The following USP45 variants were observed in gnomAD, a reference collection of about 807,000 sequenced individuals.
The protein encoded by USP45 is ubiquitin specific peptidase 45.
In USP45, 89 loss-of-function variants were observed where a neutral mutation model predicts 95.8. The ratio of observed to expected loss-of-function variants is 0.93; its 90% CI spans 0.78 to 1.11. The LOEUF (loss-of-function observed/expected upper bound fraction) is 1.11. Ranked by LOEUF, USP45 falls within the 50% of genes least tolerant of loss-of-function variation. USP45 has a pLI of 0.00. For missense variants in USP45, 898 were observed against 942.5 expected (o/e 0.95, Z 0.62); for synonymous variants, 281 against 316.2 (o/e 0.89, Z 1.18).
At position 99,437,408 on chromosome 6, in the gene USP45, C is replaced by T; in HGVS notation, c.2161-9G>A. 1 of 1,568,428 alleles carries T rather than the reference C, an allele frequency of 6.4e-7. No individual in the cohort carries two copies. The highest frequency in any genetic ancestry group is 1.2e-5 in the South Asian group (1 of 83,822). ...TCTCCCACACTTGCATTCTTTTAAA[C>T]AAAGAAAAAAACCCAAATTAGTAAT... On this transcript the variant is annotated splice_polypyrimidine_tract_variant and intron_variant, in intron 16 of 17. Transcript: ENST00000500704.
chr6:99,514,185 A>T (rs959800635), intron 1 of USP45, among the ~76,000 whole-genome samples: 6 of 152,212 alleles, frequency 3.9e-5, no homozygotes, highest in African/African-American at 1.4e-4. Flanking sequence ...ATAAAGGCTC[A>T]TCATAATAGA....
At chr6:99,512,108 A>G (rs1211956588) in intron 1 of USP45, among the ~76,000 whole-genome samples, 1 of 152,074 alleles carries the variant, frequency 6.6e-6, no homozygotes. Flanking sequence ...AAAAGATTCA[A>G]TCAAGGTTTG....
At chr6:99,453,704 A>G (rs547160150) in intron 13 of USP45, among the ~76,000 whole-genome samples, 1 of 152,306 alleles carries the variant, frequency 6.6e-6, no homozygotes, top group African/African-American at 2.4e-5. Flanking sequence ...CATGCCTGTA[A>G]TCCCAGCACT....
intron 13 of USP45, among the ~76,000 whole-genome samples, chr6:99,455,056 C>T (rs1784717536): frequency 6.7e-6 from 1 of 149,586 alleles, no homozygotes; most frequent in Non-Finnish European, 1.5e-5. Flanking sequence ...CACCACTGCA[C>T]TCCAGCCCGG....
chr6:99,437,509 T>C, intron 16 of USP45, 110 bp from the exon 17 acceptor site: 1 of 1,133,102 alleles, frequency 8.8e-7, no homozygotes, highest in Non-Finnish European at 1.2e-6. Context: ...ATAGTAAAAC[T>C]GAGATACTTT....
chr6:99,505,534 C>T (rs1319810090), intron 4 of USP45, among the ~76,000 whole-genome samples: 1 of 148,982 alleles, frequency 6.7e-6, no homozygotes, highest in East Asian at 2.0e-4. Context: ...GGCGTGGTGG[C>T]GGGCACCTGT....
intron 13 of USP45, among the ~76,000 whole-genome samples, chr6:99,463,800 CAAAAAA>C (rs398002416): frequency 3.6e-5 from 3 of 84,462 alleles, no homozygotes; most frequent in East Asian, 3.2e-4. Context: ...GACTCCATCT[CAAAAAA>C]AAAAAAAAAA....
At chr6:99,511,831 G>A (rs1199335074) in intron 1 of USP45, among the ~76,000 whole-genome samples, 1 of 99,360 alleles carries the variant, frequency 1.0e-5, no homozygotes, top group Non-Finnish European at 1.9e-5. Context: ...ACACATATAT[G>A]TATGTGAGTG....
At position 99,437,294 on chromosome 6, in the gene USP45, G is replaced by C; in HGVS notation, c.2266C>G (p.Pro756Ala). The change falls in exon 17 of 18, where the codon CCC becomes GCC. Residue 756 changes from proline to alanine, a missense_variant. Pro to Ala is a conservative substitution (Grantham distance 27). Coordinates refer to ENST00000500704, the MANE Select transcript of USP45 (RefSeq NM_001346022.3). ...HYTAYVKVRT[P>A]SRKLSEHNTK... ...TTATGTTCCGATAATTTCCTGGAGG[G>C]TGTTCTCACTTTCACATAAGCAGTG... 1 of 1,613,436 alleles carries C rather than the reference G, an allele frequency of 6.2e-7. No individual in the cohort carries two copies. Among genetic ancestry groups the C allele is most frequent in the South Asian group, 1.1e-5 (1 of 90,936 alleles).
At chr6:99,490,978 G>T (rs546304256) in intron 5 of USP45, among the ~76,000 whole-genome samples, 1 of 144,248 alleles carries the variant, frequency 6.9e-6, no homozygotes, top group African/African-American at 2.6e-5. Context: ...CTATTAACTG[G>T]TTTCCCCCTA....
chr6:99,476,307 A>G (rs1790847146), intron 8 of USP45, 77 bp from the exon 9 acceptor site: 6 of 1,398,350 alleles, frequency 4.3e-6, no homozygotes, highest in Non-Finnish European at 6.0e-6. Flanking sequence ...CTCTAAATGC[A>G]CTTGAAATAG....
chr6:99,474,867 C>G (rs2128670570), intron 9 of USP45, among the ~76,000 whole-genome samples: 1 of 152,142 alleles, frequency 6.6e-6, no homozygotes, highest in East Asian at 1.9e-4. Context: ...AAACCCCTCC[C>G]AGAAGAAGTT....
At chr6:99,501,751 T>C in intron 5 of USP45, 1 of 331,082 alleles carries the variant, frequency 3.0e-6, no homozygotes, top group Non-Finnish European at 5.0e-6. Context: ...TTATGTATTA[T>C]TTATTTGTTA....
chr6:99,455,819 TAAAAAAAAAAAAAAA>T (rs35285232), intron 13 of USP45, among the ~76,000 whole-genome samples: 2 of 44,338 alleles, frequency 4.5e-5, no homozygotes, highest in African/African-American at 9.7e-5. Context: ...ATGTGAGAGC[TAAAAAAAAAAAAAAA>T]AAAAAAAAAA....
intron 15 of USP45, among the ~76,000 whole-genome samples, chr6:99,440,211 G>A (rs1781263038): frequency 6.6e-6 from 1 of 152,118 alleles, no homozygotes; most frequent in Admixed American, 6.5e-5. Flanking sequence ...GGTGTTCTAG[G>A]CCTAACTCAG....
chr6:99,439,708 A>C, intron 16 of USP45, 61 bp downstream of exon 16: 1 of 1,208,306 alleles, frequency 8.3e-7, no homozygotes, highest in South Asian at 1.8e-5. Flanking sequence ...GTCTAATAAT[A>C]TATAGGATAC....
At chr6:99,475,912 C>T (rs1273447691) in intron 9 of USP45, among the ~76,000 whole-genome samples, 1 of 152,128 alleles carries the variant, frequency 6.6e-6, no homozygotes, top group East Asian at 1.9e-4. Flanking sequence ...GCAACCTCTG[C>T]TTCCTGGGTT....
chr6:99,490,686 G>A (rs1450263322), intron 5 of USP45, among the ~76,000 whole-genome samples: 1 of 152,124 alleles, frequency 6.6e-6, no homozygotes, highest in Non-Finnish European at 1.5e-5. Context: ...AAATCTGCAA[G>A]ATTAAACAGC....
chr6:99,511,886 T>A (rs9376239), intron 1 of USP45, among the ~76,000 whole-genome samples: 3 of 142,528 alleles, frequency 2.1e-5, no homozygotes, highest in South Asian at 2.2e-4. Flanking sequence ...TATATATATA[T>A]ACACATAGTT....
Sources: allele counts gnomAD v4.1 joint callset (sites outside exome capture counted in the v4.1 genomes callset), GRCh38; gene constraint gnomAD v4.1.1; transcripts MANE v1.5; gene names NCBI Gene and HGNC (gene_info 2026-07-23, HGNC 2026-07-21).